CRYBG3: variants seen among roughly 807,000 people sequenced by gnomAD.
CRYBG3 encodes crystallin beta-gamma domain containing 3.
Under a neutral mutation model 244.2 loss-of-function variants are expected in CRYBG3, and 127 were observed. The ratio of observed to expected loss-of-function variants is 0.52; its 90% CI spans 0.45 to 0.60. The LOEUF (loss-of-function observed/expected upper bound fraction) is 0.60. Ranked by LOEUF, CRYBG3 falls within the 20% of genes least tolerant of loss-of-function variation. CRYBG3 has a pLI of 0.00. For synonymous variants in CRYBG3, 1,132 were observed against 1,195.8 expected (o/e 0.95, Z 1.10); for missense variants, 3,325 against 3,442.5 (o/e 0.97, Z 0.85).
intron 14 of CRYBG3, among the ~76,000 whole-genome samples, chr3:97,900,067 A>G (rs1237872147): frequency 6.6e-6 from 1 of 152,236 alleles, no homozygotes; most frequent in Non-Finnish European, 1.5e-5. Flanking sequence ...AAATTTTTCA[A>G]GCTGGGTGCA....
intron 17 of CRYBG3, among the ~76,000 whole-genome samples, chr3:97,927,774 A>T (rs1403598152): frequency 4.6e-5 from 7 of 152,126 alleles, no homozygotes; most frequent in Non-Finnish European, 1.0e-4. Flanking sequence ...TCAAAAGAAG[A>T]TATGCATATG....
At chr3:97,841,177 A>G (rs1043984552) in intron 1 of CRYBG3, among the ~76,000 whole-genome samples, 1 of 149,488 alleles carries the variant, frequency 6.7e-6, no homozygotes. Flanking sequence ...TGTTTAACAC[A>G]CAGCTCATAT....
intron 17 of CRYBG3, among the ~76,000 whole-genome samples, chr3:97,930,813 G>T (rs538756679): frequency 1.3e-5 from 2 of 152,138 alleles, no homozygotes; most frequent in South Asian, 4.1e-4. Flanking sequence ...AACTTTCCTT[G>T]ATCAGCAGAC....
rs557879674 is a variant in CRYBG3 at position 97,877,581 on chromosome 3, A to G, written c.6387A>G (p.Ser2129=). 9.9e-6 allele frequency: 16 copies of G among 1,614,152 alleles called. No individual in the cohort carries two copies. The highest frequency in any genetic ancestry group is 1.6e-4 in the Middle Eastern group (1 of 6,062). ...CTTCTGTTTTATCCCTTCTCCAGTC[A>G]GTGTCAGAACGTTTAAAGATGAATT... ...QSSSVLSLLQ[S]VSERLKMNFD... is the part of the protein sequence containing the mutation. The change falls in exon 4 of 22, where the codon TCA becomes TCG. Residue 2129 remains serine (S), a synonymous_variant. Transcript: ENST00000389622.
At chr3:97,931,082 A>G (rs1051201293) in intron 17 of CRYBG3, among the ~76,000 whole-genome samples, 1 of 152,024 alleles carries the variant, frequency 6.6e-6, no homozygotes, top group African/African-American at 2.4e-5. Flanking sequence ...CTCATAGGCC[A>G]CTACCCCGTT....
At chr3:97,938,689 A>G (rs1406448867) in intron 19 of CRYBG3, among the ~76,000 whole-genome samples, 1 of 151,948 alleles carries the variant, frequency 6.6e-6, no homozygotes, top group Non-Finnish European at 1.5e-5. Context: ...CAGTGATCAC[A>G]TTGCTTACAT....
In CRYBG3 at chr3:97,886,618, T is replaced by A. The variant is rs191932500; in HGVS notation, c.7153-13T>A. ...CTAGTTGATTTCAAAGCCAAATTATTTTTTTTTTTCAGGACTGCAGCATTC... is the reference window on the plus strand; with the variant it reads ...CTAGTTGATTTCAAAGCCAAATTATATTTTTTTTTCAGGACTGCAGCATTC... On this transcript the variant is annotated splice_polypyrimidine_tract_variant and intron_variant, in intron 7 of 21. Coordinates refer to ENST00000389622, the MANE Select transcript of CRYBG3 (RefSeq NM_153605.4). The A allele has an allele frequency of 1.7e-5, 26 of 1,561,692 alleles. No individual in the cohort carries two copies. The African/African-American group carries it at 2.9e-4, about 17-fold the overall frequency.
In CRYBG3 at chr3:97,875,569, G is replaced by A; in HGVS notation, c.4375G>A (p.Val1459Met). 1 of 1,240,992 alleles carries A rather than the reference G, an allele frequency of 8.1e-7. No homozygotes were observed. Among genetic ancestry groups the A allele is most frequent in the East Asian group, 3.1e-5 (1 of 31,898 alleles). The allele number at this position is 1,240,992 out of a possible 1,614,324, so 76.9% of individuals were successfully genotyped here. A position where few individuals can be genotyped will look rare whatever the true frequency, so the allele number is the denominator to read the frequency against. The change falls in exon 4 of 22, where the codon GTG (valine) becomes ATG (methionine). Residue 1459 changes from valine (V) to methionine (M), a missense_variant. Val to Met is a conservative substitution (Grantham distance 21). Coordinates refer to ENST00000389622, the MANE Select transcript of CRYBG3 (RefSeq NM_153605.4). ...DCNETMEIEN[V>M]DNNKTETEDR... ...TAATGAGACAATGGAAATAGAGAAT[G>A]TGGATAATAACAAAACTGAGACAGA...
chr3:97,917,624 T>A (rs1456765654), intron 17 of CRYBG3, among the ~76,000 whole-genome samples: 1 of 152,106 alleles, frequency 6.6e-6, no homozygotes, highest in Non-Finnish European at 1.5e-5. Flanking sequence ...GAGATTGCTA[T>A]GTAAACCAGA....
chr3:97,913,539 G>A (rs1242722871), intron 16 of CRYBG3, among the ~76,000 whole-genome samples: 1 of 152,162 alleles, frequency 6.6e-6, no homozygotes, highest in Non-Finnish European at 1.5e-5. Flanking sequence ...AATTTTAATT[G>A]TATGTAACAT....
At chr3:97,879,914 C>A in intron 5 of CRYBG3, 71 bp from the exon 6 acceptor site, 3 of 979,994 alleles carry the variant, frequency 3.1e-6, no homozygotes, top group Non-Finnish European at 4.8e-6. Flanking sequence ...TGTTCTAGGA[C>A]ATTTTAGAAT....
At chr3:97,863,873 A>G (rs1181924486) in intron 2 of CRYBG3, among the ~76,000 whole-genome samples, 1 of 152,140 alleles carries the variant, frequency 6.6e-6, no homozygotes, top group Non-Finnish European at 1.5e-5. Context: ...TGAGCATCAC[A>G]TAGTCACTTT....
chr3:97,870,307 C>A (rs2039286726), intron 3 of CRYBG3, among the ~76,000 whole-genome samples: 1 of 152,114 alleles, frequency 6.6e-6, no homozygotes, highest in South Asian at 2.1e-4. Context: ...CCTCCCCACT[C>A]AATTAGGCCC....
At chr3:97,896,198 G>T in intron 12 of CRYBG3, 113 bp downstream of exon 12, 1 of 975,110 alleles carries the variant, frequency 1.0e-6, no homozygotes, top group Admixed American at 2.7e-5. Context: ...ACACCCAAGA[G>T]TATTAACCTC....
intron 17 of CRYBG3, among the ~76,000 whole-genome samples, chr3:97,919,100 G>C (rs920509004): frequency 1.3e-5 from 2 of 152,086 alleles, no homozygotes; most frequent in Non-Finnish European, 2.9e-5. Context: ...AATGAAAGGA[G>C]GTGAAATTTT....
At chr3:97,841,233 TGTGTATATAC>T (rs2038809840) in intron 1 of CRYBG3, among the ~76,000 whole-genome samples, 1 of 150,082 alleles carries the variant, frequency 6.7e-6, no homozygotes, top group Non-Finnish European at 1.5e-5. Flanking sequence ...TGTATATATG[TGTGTATATAC>T]ATATATGTAT....
chr3:97,849,185 T>G (rs1016058817), intron 2 of CRYBG3, among the ~76,000 whole-genome samples: 5 of 152,194 alleles, frequency 3.3e-5, no homozygotes, highest in African/African-American at 1.2e-4. Context: ...ACATGTTAAG[T>G]ACTGTACAAT....
At chr3:97,884,946 A>G (rs561866968) in intron 7 of CRYBG3, among the ~76,000 whole-genome samples, 1 of 152,276 alleles carries the variant, frequency 6.6e-6, no homozygotes, top group African/African-American at 2.4e-5. Context: ...TTTGTACAAC[A>G]CAATGCAGAG....
chr3:97,873,229 T>A lies in CRYBG3; in HGVS notation c.2035T>A (p.Ser679Thr). Residue 679 changes from serine to threonine, a missense_variant, in exon 4 of 22, where the codon TCT (serine) becomes ACT (threonine). Ser to Thr is a moderately conservative substitution (Grantham distance 58). Transcript: ENST00000389622. ...LDIPDLMNEGSPVPIETGNVN... is the reference protein window; with the variant it reads ...LDIPDLMNEGTPVPIETGNVN... ...TATTCCTGATTTAATGAATGAGGGTTCTCCTGTGCCCATTGAAACTGGGAA... is the reference window on the plus strand; with the variant it reads ...TATTCCTGATTTAATGAATGAGGGTACTCCTGTGCCCATTGAAACTGGGAA... 2.0e-6 allele frequency: 3 copies of A among 1,535,668 alleles called. No individual in the cohort carries two copies. The highest frequency in any genetic ancestry group is 2.6e-6 in the Non-Finnish European group (3 of 1,146,742).
Sources: allele counts gnomAD v4.1 joint callset (sites outside exome capture counted in the v4.1 genomes callset), GRCh38; gene constraint gnomAD v4.1.1; transcripts MANE v1.5; gene names NCBI Gene and HGNC (gene_info 2026-07-23, HGNC 2026-07-21).